CYP1B1: variants seen among roughly 807,000 people sequenced by gnomAD.
The protein encoded by CYP1B1 is cytochrome P450 family 1 subfamily B member 1.
In CYP1B1, 22 loss-of-function variants were observed where a neutral mutation model predicts 29.9. The observed-to-expected ratio is 0.74, with a 90% CI of 0.53 to 1.05. The LOEUF is 1.05. CYP1B1 is among the 50% of genes least tolerant of loss of function. The pLI is 0.00. For missense variants in CYP1B1, 883 were observed against 746.9 expected (o/e 1.18, Z -2.12); for synonymous variants, 375 against 320.0 (o/e 1.17, Z -1.83).
chr2:38,074,201 A>G, intron 2 of CYP1B1, 145 bp downstream of exon 2: 1 of 910,642 alleles, frequency 1.1e-6, no homozygotes, highest in South Asian at 1.5e-5. Flanking sequence ...GAGTCCCTTT[A>G]CCGACGCGAT....
Position 38,071,205 on chromosome 2 carries a change from G to C in CYP1B1, c.1149C>G (p.Ala383=). The change falls in exon 3 of 3, where the codon GCC becomes GCG. Residue 383 remains alanine, a synonymous_variant. Transcript: ENST00000610745. ...AGAAGCGCATGGCTTCATAAAGGAA[G>C]GCCAGGACATAGGGCAGGTTGGGCT... is the stretch of plus-strand genomic sequence containing the variant. ...GDQPNLPYVL[A]FLYEAMRFSS... 1 of 1,613,540 alleles carries C rather than the reference G, an allele frequency of 6.2e-7. No homozygotes were observed. Among genetic ancestry groups the C allele is most frequent in the Non-Finnish European group, 8.5e-7 (1 of 1,180,036 alleles).
In CYP1B1 at chr2:38,074,440, A is replaced by G; in HGVS notation, c.949T>C (p.Leu317=). ...GTGATAGTGGCCGGTACGTTCTCCA[A>G]ATCCAGCCGCGCGCCACCACCGTGC... is the stretch of plus-strand genomic sequence containing the variant. ...DSHGGGARLD[L]ENVPATITDI... The change falls in exon 2 of 3, where the codon TTG becomes CTG. Residue 317 remains leucine (L), a synonymous_variant. Coordinates refer to ENST00000610745, the MANE Select transcript of CYP1B1 (RefSeq NM_000104.4). 1 of 1,613,208 alleles carries G rather than the reference A, an allele frequency of 6.2e-7. No individual in the cohort carries two copies. Among genetic ancestry groups the G allele is most frequent in the Non-Finnish European group, 8.5e-7 (1 of 1,179,842 alleles).
rs550461175 is a variant in CYP1B1 at position 38,067,964 on chromosome 2, A to G, written c.*2758T>C. 1 of 196,336 alleles carries G rather than the reference A, an allele frequency of 5.1e-6. No individual in the cohort carries two copies. The highest frequency in any genetic ancestry group is 1.9e-4 in the South Asian group (1 of 5,202). The allele number at this position is 196,336 out of a possible 1,614,324, so 12.2% of individuals were successfully genotyped here. A position where few individuals can be genotyped will look rare whatever the true frequency, so the allele number is the denominator to read the frequency against. On this transcript the variant is annotated 3_prime_UTR_variant, in exon 3 of 3. Transcript: ENST00000610745. ...TCTACTAGGAAAATATTAAGGCTGT[A>G]GTAACACTTCACAGGTAAAGGCTAA...
Position 38,067,667 on chromosome 2 carries a change from A to AT in CYP1B1, c.*3054dup, listed in dbSNP as rs992370496. ...GTCCCAGTATAAGTAATGAGATACA[A>AT]TTTTTTTTTAATTTGGTATATCAAA... is the stretch of plus-strand genomic sequence containing the variant. On this transcript the variant is annotated 3_prime_UTR_variant, in exon 3 of 3. Coordinates refer to ENST00000610745, the MANE Select transcript of CYP1B1 (RefSeq NM_000104.4). 17 of 177,732 alleles carry AT rather than the reference A, an allele frequency of 9.6e-5. No individual in the cohort carries two copies. Among genetic ancestry groups the AT allele is most frequent in the Admixed American group, 1.9e-4 (3 of 15,794 alleles). 11.0% of individuals were successfully genotyped at this position (177,732 alleles called of 1,614,324 possible). A position where few individuals can be genotyped will look rare whatever the true frequency, so the allele number is the denominator to read the frequency against.
intron 1 of CYP1B1, 79 bp from the exon 2 acceptor site, chr2:38,075,468 CTG>C (rs1310411541): frequency 1.4e-6 from 2 of 1,457,762 alleles, no homozygotes; most frequent in Admixed American, 3.6e-5. Flanking sequence ...ACCCCAGCCT[CTG>C]GGGACTGAGT....
In CYP1B1 at chr2:38,074,267, G is replaced by A. The variant is rs566110789; in HGVS notation, c.1043+79C>T. On this transcript the variant is annotated intron_variant, in intron 2 of 2. Transcript: ENST00000610745. ...AAACCCCAAACCCGGGGCCCTGCTT[G>A]CAAACTCAGCATATTCTGTCTCTAC... 65 of 1,497,232 alleles carry A rather than the reference G, an allele frequency of 4.3e-5. No individual in the cohort carries two copies. In the South Asian group the frequency reaches 5.2e-4, roughly 12 times the overall value. 92.7% of individuals were successfully genotyped at this position (1,497,232 alleles called of 1,614,324 possible). A position where few individuals can be genotyped will look rare whatever the true frequency, so the allele number is the denominator to read the frequency against.
chr2:38,071,189 T>C lies in CYP1B1; in HGVS notation c.1165A>G (p.Met389Val). 1 of 1,613,740 alleles carries C rather than the reference T, an allele frequency of 6.2e-7. No individual in the cohort carries two copies. Among genetic ancestry groups the C allele is most frequent in the Non-Finnish European group, 8.5e-7 (1 of 1,180,026 alleles). ...PYVLAFLYEA[M>V]RFSSFVPVTI... ...ACAGGCACAAAGCTGGAGAAGCGCA[T>C]GGCTTCATAAAGGAAGGCCAGGACA... The change falls in exon 3 of 3, where the codon ATG becomes GTG. Residue 389 changes from methionine to valine, a missense_variant. Physicochemically the swap from Met to Val is conservative, Grantham distance 21. Transcript: ENST00000610745.
Position 38,070,342 on chromosome 2 carries a change from C to T in CYP1B1, c.*380G>A, listed in dbSNP as rs35007750. The T allele has an allele frequency of 8.0e-4, 246 of 306,694 alleles. 1 individual carries two copies. The highest frequency in any genetic ancestry group is 4.7e-3 in the African/African-American group (224 of 47,738). 19.0% of individuals were successfully genotyped at this position (306,694 alleles called of 1,614,324 possible). ...ATATGGGAGACCAATCTTGGATTCCCACCAAAAATGGCCTGGTTACCAAAA... is the reference window on the plus strand; with the variant it reads ...ATATGGGAGACCAATCTTGGATTCCTACCAAAAATGGCCTGGTTACCAAAA... On this transcript the variant is annotated 3_prime_UTR_variant, in exon 3 of 3. Transcript: ENST00000610745.
At chr2:38,071,973 C>G (rs989622719) in intron 2 of CYP1B1, among the ~76,000 whole-genome samples, 6 of 152,108 alleles carry the variant, frequency 3.9e-5, no homozygotes, top group Admixed American at 6.5e-5. Flanking sequence ...ATGGATAAAG[C>G]TACATACTGT....
intron 2 of CYP1B1, among the ~76,000 whole-genome samples, chr2:38,072,400 T>C (rs1682449223): frequency 6.6e-6 from 1 of 152,132 alleles, no homozygotes; most frequent in Non-Finnish European, 1.5e-5. Context: ...ATTTTAAAAA[T>C]GCAATCAAGG....
Position 38,070,375 on chromosome 2 carries a change from T to G in CYP1B1, c.*347A>C, listed in dbSNP as rs1293884594. On this transcript the variant is annotated 3_prime_UTR_variant, in exon 3 of 3. Coordinates refer to ENST00000610745, the MANE Select transcript of CYP1B1 (RefSeq NM_000104.4). Reference sequence around the variant, plus strand: ...ATGGCCTGGTTACCAAAATACTGCTTCATTCAGTAGTTTGGTGTAAGTGTT... The same window carrying G: ...ATGGCCTGGTTACCAAAATACTGCTGCATTCAGTAGTTTGGTGTAAGTGTT... 2 of 329,164 alleles carry G rather than the reference T, an allele frequency of 6.1e-6. No homozygotes were observed. The highest frequency in any genetic ancestry group is 1.1e-5 in the Non-Finnish European group (2 of 177,678). 20.4% of individuals were successfully genotyped at this position (329,164 alleles called of 1,614,324 possible).
Position 38,075,234 on chromosome 2 carries a change from G to C in CYP1B1, c.155C>G (p.Pro52Arg). Residue 52 changes from proline to arginine, a missense_variant, in exon 2 of 3, where the codon CCG (proline) becomes CGG (arginine). Pro to Arg is a moderately radical substitution (Grantham distance 103). Coordinates refer to ENST00000610745, the MANE Select transcript of CYP1B1 (RefSeq NM_000104.4). ...QRRRQLRSAP[P>R]GPFAWPLIGN... is the part of the protein sequence containing the mutation. ...GATCAGTGGCCACGCAAACGGGCCCGGGGGCGCGGACCGGAGCTGCCGCCT... is the reference window on the plus strand; with the variant it reads ...GATCAGTGGCCACGCAAACGGGCCCCGGGGCGCGGACCGGAGCTGCCGCCT... The C allele has an allele frequency of 6.3e-6, 10 of 1,589,246 alleles. No homozygotes were observed. Among genetic ancestry groups the C allele is most frequent in the Non-Finnish European group, 6.8e-6 (8 of 1,173,358 alleles).
At chr2:38,075,503 G>A in intron 1 of CYP1B1, 114 bp from the exon 2 acceptor site, 2 of 1,067,274 alleles carry the variant, frequency 1.9e-6, no homozygotes, top group Admixed American at 2.0e-5. Context: ...AGAGGTCGGA[G>A]CTGACTCTCT....
At position 38,071,088 on chromosome 2, in the gene CYP1B1, G is replaced by A. The variant is rs758353407; in HGVS notation, c.1266C>T (p.Val422=). The A allele has an allele frequency of 2.5e-6, 4 of 1,612,400 alleles. No individual in the cohort carries two copies. Among genetic ancestry groups the A allele is most frequent in the East Asian group, 2.2e-5 (1 of 44,864 alleles). ...YHIPKDTVVF[V]NQWSVNHDPL... is the part of the protein sequence containing the mutation. ...GGTCATGATTCACAGACCACTGGTTGACAAAAACCACAGTGTCCTTGGGAA... is the reference window on the plus strand; with the variant it reads ...GGTCATGATTCACAGACCACTGGTTAACAAAAACCACAGTGTCCTTGGGAA... Residue 422 remains valine, a synonymous_variant, in exon 3 of 3, where the codon GTC becomes GTT. Transcript: ENST00000610745.
rs950631916 is a variant in CYP1B1, at chr2:38,068,943, T to C, written c.*1779A>G. On this transcript the variant is annotated 3_prime_UTR_variant, in exon 3 of 3. Transcript: ENST00000610745. The stretch of plus-strand genomic sequence containing the variant: ...CACCCCACACACACATACACACAAC[T>C]ATCAAAAACTCCCTTTTTTAAAATT... The C allele has an allele frequency of 4.2e-5, 9 of 212,502 alleles. No homozygotes were observed. Among genetic ancestry groups the C allele is most frequent in the Admixed American group, 1.2e-4 (2 of 17,028 alleles). 13.2% of individuals were successfully genotyped at this position (212,502 alleles called of 1,614,324 possible).
chr2:38,075,194 C>T lies in CYP1B1; in HGVS notation c.195G>A (p.Ala65=). The T allele has an allele frequency of 6.4e-7, 1 of 1,571,852 alleles. No individual in the cohort carries two copies. Among genetic ancestry groups the T allele is most frequent in the Non-Finnish European group, 8.6e-7 (1 of 1,165,926 alleles). The change falls in exon 2 of 3, where the codon GCG becomes GCA. Residue 65 remains alanine (A), a synonymous_variant. Coordinates refer to ENST00000610745, the MANE Select transcript of CYP1B1 (RefSeq NM_000104.4). ...ACGAGAGGTGAGCCGCCTGGCCCAC[C>T]GCCGCCGCGTTTCCGATCAGTGGCC... ...FAWPLIGNAA[A]VGQAAHLSFA...
At chr2:38,074,222 A>G in intron 2 of CYP1B1, 124 bp downstream of exon 2, 1 of 1,072,280 alleles carries the variant, frequency 9.3e-7, no homozygotes, top group Non-Finnish European at 1.4e-6. Flanking sequence ...CTTGGTTTTG[A>G]GGGGTGGGGA....
chr2:38,073,693 A>T (rs1238625519), intron 2 of CYP1B1: 2 of 152,578 alleles, frequency 1.3e-5, no homozygotes, highest in Non-Finnish European at 2.9e-5. Flanking sequence ...GCTTTCGTAA[A>T]AGTGACTGCT....
chr2:38,075,251 C>G lies in CYP1B1; in HGVS notation c.138G>C (p.Gln46His). Residue 46 changes from glutamine (Q) to histidine (H), a missense_variant, in exon 2 of 3, where the codon CAG becomes CAC. Transcript: ENST00000610745. ...ACGGGCCCGGGGGCGCGGACCGGAG[C>G]TGCCGCCTCCGTTGCCTCAGCAGCC... ...GQRLLRQRRRQLRSAPPGPFA... is the reference protein window; with the variant it reads ...GQRLLRQRRRHLRSAPPGPFA... 6.3e-7 allele frequency: 1 copy of G among 1,597,252 alleles called. No individual in the cohort carries two copies. Among genetic ancestry groups the G allele is most frequent in the Non-Finnish European group, 8.5e-7 (1 of 1,175,790 alleles).
Sources: allele counts gnomAD v4.1 joint callset (sites outside exome capture counted in the v4.1 genomes callset), GRCh38; gene constraint gnomAD v4.1.1; transcripts MANE v1.5; gene names NCBI Gene and HGNC (gene_info 2026-07-23, HGNC 2026-07-21).